Variants in GMEB1 observed in about 807,000 individuals in gnomAD.
GMEB1 encodes glucocorticoid modulatory element binding protein 1.
Under a neutral mutation model 52.4 loss-of-function variants are expected in GMEB1, and 6 were observed. The ratio of observed to expected loss-of-function variants is 0.11; its 90% CI spans 0.06 to 0.23. The LOEUF is 0.23. GMEB1 is among the 10% of genes least tolerant of loss of function. The pLI, the probability that GMEB1 is intolerant of heterozygous loss-of-function variation, is 1.00. For missense variants in GMEB1, 486 were observed against 685.6 expected, an observed-to-expected ratio of 0.71 and a Z score of 3.25; for synonymous variants, 255 against 244.9, an observed-to-expected ratio of 1.04 and a Z score of -0.38.
At chr1:28,691,959 TCACTTGAGCC>T (rs2124514869) in intron 4 of GMEB1, among the ~76,000 whole-genome samples, 1 of 150,718 alleles carries the variant, frequency 6.6e-6, no homozygotes, top group Non-Finnish European at 1.5e-5. Context: ...GGTGGGAAGA[TCACTTGAGCC>T]CAGGAGTTCA....
intron 5 of GMEB1, among the ~76,000 whole-genome samples, chr1:28,693,844 T>G (rs1670078296): frequency 6.6e-6 from 1 of 151,924 alleles, no homozygotes; most frequent in Non-Finnish European, 1.5e-5. Flanking sequence ...TTTTAAGGAA[T>G]CTCTTTCAAG....
chr1:28,697,175 ATATATATATATATATATATATATATG>A (rs1180445833), intron 6 of GMEB1, 91 bp downstream of exon 6: 4 of 98,028 alleles, frequency 4.1e-5, no homozygotes, highest in East Asian at 2.2e-4. Flanking sequence ...ATATATATAT[ATATATATATATATATATATATATATG>A]TATTTTTTTA....
At chr1:28,699,468 C>T (rs1670389361) in intron 6 of GMEB1, among the ~76,000 whole-genome samples, 1 of 151,762 alleles carries the variant, frequency 6.6e-6, no homozygotes, top group African/African-American at 2.4e-5. Flanking sequence ...CTTGCTTTGT[C>T]ACCCGGGCTG....
At chr1:28,694,319 TAGCTGGGACTACAGG>T in intron 5 of GMEB1, among the ~76,000 whole-genome samples, 1 of 151,254 alleles carries the variant, frequency 6.6e-6, no homozygotes, top group South Asian at 2.1e-4. Context: ...GCCTCCCCAG[TAGCTGGGACTACAGG>T]CGCGTGCCAC....
chr1:28,709,971 A>T lies in GMEB1; in HGVS notation c.869-549A>T, dbSNP rs1670970417. 2.0e-5 allele frequency among the ~76,000 whole-genome samples: 3 copies of T among 151,616 alleles called. No homozygotes were observed. In the South Asian group the frequency reaches 6.2e-4, roughly 32 times the overall value. Reference sequence around the variant, plus strand: ...AGACCAGCCTGGCCAATGTGGTGAAACCCCATCTCTACTAAAACTACAAAA... The same window carrying T: ...AGACCAGCCTGGCCAATGTGGTGAATCCCCATCTCTACTAAAACTACAAAA... On this transcript the variant is annotated intron_variant, in intron 8 of 9. Coordinates refer to ENST00000373816, the MANE Select transcript of GMEB1 (RefSeq NM_001319674.2).
chr1:28,686,218 G>A (rs1264727537), intron 2 of GMEB1, among the ~76,000 whole-genome samples: 3 of 152,052 alleles, frequency 2.0e-5, no homozygotes, highest in African/African-American at 7.2e-5. Flanking sequence ...GCTCACACCT[G>A]TAGTTCCAGC....
At chr1:28,673,000 G>A (rs11583608) in intron 1 of GMEB1, among the ~76,000 whole-genome samples, 58,588 of 151,578 alleles carry the variant, frequency 0.39, 12,657 homozygotes, top group East Asian at 0.77. Context: ...GGTTCAAGTG[G>A]TTCTCCTGCC....
At chr1:28,700,324 A>G (rs1028072252) in intron 6 of GMEB1, among the ~76,000 whole-genome samples, 12 of 151,932 alleles carry the variant, frequency 7.9e-5, no homozygotes, top group South Asian at 2.1e-4. Context: ...CATCCTGGCT[A>G]GCATAGTGAA....
At chr1:28,688,764 C>T (rs1669811485) in intron 2 of GMEB1, among the ~76,000 whole-genome samples, 1 of 151,980 alleles carries the variant, frequency 6.6e-6, no homozygotes, top group East Asian at 1.9e-4. Flanking sequence ...GGGACATCAG[C>T]TTTTTAGTCA....
chr1:28,683,761 G>A (rs1284507847), intron 2 of GMEB1, 21 bp downstream of exon 2: 2 of 1,610,204 alleles, frequency 1.2e-6, no homozygotes, highest in South Asian at 1.1e-5. Flanking sequence ...AGAGATTTGG[G>A]TATTCTGAAG....
At chr1:28,692,260 G>A (rs1354787459) in intron 4 of GMEB1, among the ~76,000 whole-genome samples, 11 of 151,954 alleles carry the variant, frequency 7.2e-5, no homozygotes, top group Admixed American at 7.2e-4. Context: ...GGCTGGGTGA[G>A]GTGGCTCATG....
At position 28,670,789 on chromosome 1, in the gene GMEB1, T is replaced by C. The variant is rs138716847; in HGVS notation, c.-31+1950T>C. ...CGCCCGGCGGGGGAAACTTATTCAA[T>C]GGTTGCACCGTCTCCTAATTTGAGA... On this transcript the variant is annotated intron_variant, in intron 1 of 9. Transcript: ENST00000373816. Among the ~76,000 whole-genome samples the C allele has an allele frequency of 7.2e-5, 11 of 152,284 alleles. 2 individuals carry two copies. Among genetic ancestry groups the C allele is most frequent in the African/African-American group, 2.4e-4 (10 of 41,558 alleles).
chr1:28,670,045 A>G (rs192280813), intron 1 of GMEB1, among the ~76,000 whole-genome samples: 5 of 152,320 alleles, frequency 3.3e-5, no homozygotes, highest in Non-Finnish European at 5.9e-5. Context: ...TAGGCCAATC[A>G]AGACGGGTTT....
At chr1:28,687,500 G>A (rs1239731364) in intron 2 of GMEB1, among the ~76,000 whole-genome samples, 1 of 151,978 alleles carries the variant, frequency 6.6e-6, no homozygotes, top group African/African-American at 2.4e-5. Context: ...GCCGGGGCCT[G>A]GATTTTAAGG....
intron 9 of GMEB1, among the ~76,000 whole-genome samples, chr1:28,711,854 A>T (rs748072499): frequency 1.3e-5 from 2 of 151,982 alleles, no homozygotes; most frequent in African/African-American, 4.8e-5. Flanking sequence ...CGAGCAATCA[A>T]CTCTCCAGTG....
chr1:28,671,887 C>T (rs1427687950), intron 1 of GMEB1, among the ~76,000 whole-genome samples: 1 of 151,804 alleles, frequency 6.6e-6, no homozygotes, highest in South Asian at 2.1e-4. Context: ...GAGGTGGAGG[C>T]GGGCGGATCA....
At chr1:28,693,072 T>G (rs750356585) in intron 5 of GMEB1, 27 bp downstream of exon 5, 1 of 1,209,588 alleles carries the variant, frequency 8.3e-7, no homozygotes, top group East Asian at 2.5e-5. Context: ...AGCACATACC[T>G]TTCAACAAAC....
At chr1:28,708,205 C>T (rs1670870571) in intron 8 of GMEB1, among the ~76,000 whole-genome samples, 1 of 151,190 alleles carries the variant, frequency 6.6e-6, no homozygotes, top group Non-Finnish European at 1.5e-5. Flanking sequence ...CGCTCTATCA[C>T]CCAGGCTGGA....
chr1:28,703,863 TTAAA>T (rs940124605), intron 7 of GMEB1, among the ~76,000 whole-genome samples: 2 of 152,190 alleles, frequency 1.3e-5, no homozygotes, highest in African/African-American at 2.4e-5. Context: ...TAAATTAAAA[TTAAA>T]TAATATGTAA....
Sources: allele counts gnomAD v4.1 joint callset (sites outside exome capture counted in the v4.1 genomes callset), GRCh38; gene constraint gnomAD v4.1.1; transcripts MANE v1.5; gene names NCBI Gene and HGNC (gene_info 2026-07-23, HGNC 2026-07-21).